The following TP63 variants were observed in gnomAD, a reference collection of about 807,000 sequenced individuals.
TP63 encodes the protein tumor protein p63, also known as tumor protein 63.
In TP63, 17 loss-of-function variants were observed where a neutral mutation model predicts 82.8. The observed-to-expected ratio is 0.21, with a 90% confidence interval of 0.14 to 0.31. The LOEUF is 0.31. Ranked by LOEUF, TP63 falls within the 10% of genes least tolerant of loss-of-function variation. The probability of loss-of-function intolerance (pLI) is 1.00; values close to 1 mark genes in which losing one functional copy is unlikely to be tolerated. For synonymous variants in TP63, 330 were observed against 321.7 expected (o/e 1.03, Z -0.28); for missense variants, 648 against 895.3 (o/e 0.72, Z 3.52).
At position 189,637,079 on chromosome 3, in the gene TP63, G is replaced by A. The variant is rs187891672; in HGVS notation, c.62+5502G>A. On this transcript the variant is annotated intron_variant, in intron 1 of 13. Transcript: ENST00000264731. ...AACCAACCCTGGACTGGATGCTATT[G>A]CACTGCAGGACACACACACACACAC... Among the ~76,000 whole-genome samples the A allele has an allele frequency of 2.0e-5, 3 of 151,206 alleles. No individual in the cohort carries two copies. The East Asian group carries it at 6.2e-4, about 31-fold the overall frequency.
chr3:189,673,316 T>C (rs903904005), intron 1 of TP63, among the ~76,000 whole-genome samples: 3 of 152,114 alleles, frequency 2.0e-5, no homozygotes, highest in African/African-American at 7.2e-5. Flanking sequence ...ATTGAAGAAA[T>C]CTTTCTTAAG....
chr3:189,814,080 G>A (rs756289635), intron 4 of TP63, among the ~76,000 whole-genome samples: 1 of 152,182 alleles, frequency 6.6e-6, no homozygotes, highest in African/African-American at 2.4e-5. Context: ...TCTTGGTCTC[G>A]CAAGCTCACT....
chr3:189,836,679 A>G (rs1049719251), intron 4 of TP63, among the ~76,000 whole-genome samples: 1 of 152,114 alleles, frequency 6.6e-6, no homozygotes, highest in Non-Finnish European at 1.5e-5. Context: ...GATAAGCCCC[A>G]TCAGTGCTCC....
chr3:189,659,232 C>T (rs1289772276), intron 1 of TP63, among the ~76,000 whole-genome samples: 2 of 151,954 alleles, frequency 1.3e-5, no homozygotes, highest in East Asian at 1.9e-4. Flanking sequence ...CTAGTAGTCA[C>T]CAGTGTCTAC....
At chr3:189,620,229 A>G in the TP63 span, among the ~76,000 whole-genome samples, 1 of 146,306 alleles carries the variant, frequency 6.8e-6, no homozygotes, top group Non-Finnish European at 1.5e-5. Context: ...AACTTAGCTG[A>G]GCATGGTAGT....
chr3:189,847,740 T>C (rs1715080732), intron 4 of TP63, among the ~76,000 whole-genome samples: 2 of 152,224 alleles, frequency 1.3e-5, no homozygotes, highest in African/African-American at 4.8e-5. Flanking sequence ...AAGCAATGAG[T>C]GGGCATTTTG....
At chr3:189,694,263 A>G (rs1717168995) in intron 1 of TP63, among the ~76,000 whole-genome samples, 1 of 152,208 alleles carries the variant, frequency 6.6e-6, no homozygotes, top group Non-Finnish European at 1.5e-5. Context: ...AGTTTTTCCT[A>G]TCACTAACAT....
rs60097753 is a variant in TP63 at position 189,872,400 on chromosome 3, A to AACACACAC, written c.1213-433_1213-426dup. 1.5e-3 allele frequency among the ~76,000 whole-genome samples: 220 copies of AACACACAC among 147,116 alleles called. No individual in the cohort carries two copies. In the East Asian group the frequency reaches 0.015, roughly 10 times the overall value. On this transcript the variant is annotated intron_variant, in intron 9 of 13. Coordinates refer to ENST00000264731, the MANE Select transcript of TP63 (RefSeq NM_003722.5). ...ACTCATGCCTGAATAAAGTTTCTCT[A>AACACACAC]ACACACACACACACACACACACACA... is the stretch of plus-strand genomic sequence containing the variant.
At position 189,757,529 on chromosome 3, in the gene TP63, G is replaced by T. The variant is rs112768255; in HGVS notation, c.324+18755G>T. ...TGGCCAGTCCTCAGTGGAAATGGTT[G>T]TTGCTGTTAGTCTTTAGACTGTGTT... On this transcript the variant is annotated intron_variant, in intron 3 of 13. Coordinates refer to ENST00000264731, the MANE Select transcript of TP63 (RefSeq NM_003722.5). 5.4e-3 allele frequency among the ~76,000 whole-genome samples: 828 copies of T among 152,290 alleles called. 4 individuals are homozygous for T. Among genetic ancestry groups the T allele is most frequent in the Non-Finnish European group, 9.2e-3 (623 of 68,028 alleles).
chr3:189,695,203 C>T (rs1458303462), intron 1 of TP63, among the ~76,000 whole-genome samples: 2 of 151,896 alleles, frequency 1.3e-5, no homozygotes, highest in African/African-American at 4.8e-5. Flanking sequence ...TCATTATAAA[C>T]TCATGGATAG....
At chr3:189,721,578 G>A (rs771836993) in intron 1 of TP63, among the ~76,000 whole-genome samples, 2 of 152,124 alleles carry the variant, frequency 1.3e-5, no homozygotes, top group Non-Finnish European at 2.9e-5. Flanking sequence ...CGGCAGGAAA[G>A]TATAATGATC....
intron 1 of TP63, among the ~76,000 whole-genome samples, chr3:189,710,065 G>A (rs1400907053): frequency 6.6e-6 from 1 of 152,072 alleles, no homozygotes; most frequent in Non-Finnish European, 1.5e-5. Context: ...AATTTGTTAT[G>A]TTTTCAAAAA....
chr3:189,655,611 G>T (rs1713280027), intron 1 of TP63, among the ~76,000 whole-genome samples: 1 of 152,162 alleles, frequency 6.6e-6, no homozygotes, highest in East Asian at 1.9e-4. Flanking sequence ...GACAGAGTGA[G>T]ACTCTGTCTC....
At chr3:189,663,995 C>T (rs1372251251) in intron 1 of TP63, among the ~76,000 whole-genome samples, 4 of 152,054 alleles carry the variant, frequency 2.6e-5, no homozygotes, top group African/African-American at 4.8e-5. Context: ...AGTGCTTTAG[C>T]GTAATTAACT....
At chr3:189,790,084 T>A (rs1724983382) in intron 3 of TP63, among the ~76,000 whole-genome samples, 3 of 151,914 alleles carry the variant, frequency 2.0e-5, no homozygotes, top group Admixed American at 2.0e-4. Flanking sequence ...ATTATGTATT[T>A]GAAAAAATAA....
At chr3:189,724,841 T>G (rs1348507858) in intron 1 of TP63, among the ~76,000 whole-genome samples, 3 of 152,166 alleles carry the variant, frequency 2.0e-5, no homozygotes, top group African/African-American at 7.2e-5. Context: ...GGCAATCAGC[T>G]CATGTTAAGC....
chr3:189,700,889 A>G (rs535098550), intron 1 of TP63, among the ~76,000 whole-genome samples: 1 of 152,218 alleles, frequency 6.6e-6, no homozygotes, highest in Non-Finnish European at 1.5e-5. Flanking sequence ...AGCTAGGAAC[A>G]TAAAAAGGTA....
At chr3:189,888,321 G>A (rs1720680241) in intron 11 of TP63, among the ~76,000 whole-genome samples, 1 of 152,162 alleles carries the variant, frequency 6.6e-6, no homozygotes, top group Non-Finnish European at 1.5e-5. Context: ...AAAAAGAGTA[G>A]AAACCATTTA....
chr3:189,763,384 C>T (rs1482895359), intron 3 of TP63, among the ~76,000 whole-genome samples: 2 of 152,140 alleles, frequency 1.3e-5, no homozygotes, highest in Non-Finnish European at 2.9e-5. Context: ...TTTTTCATCA[C>T]GCAGCTCAGT....
Sources: gnomAD v4.1 joint callset for allele counts (sites outside exome capture counted in the v4.1 genomes callset) on GRCh38, gnomAD v4.1.1 for gene constraint, MANE v1.5 for transcripts, NCBI Gene and HGNC (gene_info 2026-07-23, HGNC 2026-07-21) for gene names.